The following ADGRL2 variants were observed in gnomAD, a reference collection of about 807,000 sequenced individuals.
ADGRL2 encodes calcium-independent alpha-latrotoxin receptor 2.
Under a neutral mutation model 157.4 loss-of-function variants are expected in ADGRL2, and 44 were observed. That is an observed-to-expected ratio of 0.28 (90% confidence interval 0.22 to 0.36). The LOEUF (loss-of-function observed/expected upper bound fraction) is 0.36, where lower values mean the gene tolerates loss of function less well. Among genes scored for constraint, ADGRL2 ranks in the 10% least tolerant of loss-of-function variants. The pLI, the probability that ADGRL2 is intolerant of heterozygous loss-of-function variation, is 1.00. For synonymous variants in ADGRL2, 585 were observed against 624.7 expected (o/e 0.94, Z 0.95); for missense variants, 1,510 against 1,768.9 (o/e 0.85, Z 2.63).
At chr1:81,875,116 C>T (rs2093804086) in intron 2 of ADGRL2, among the ~76,000 whole-genome samples, 1 of 152,102 alleles carries the variant, frequency 6.6e-6, no homozygotes. Flanking sequence ...CCCCAAAATC[C>T]CTGCAGCAAG....
At chr1:81,478,402 C>G (rs1043937167) in intron 2 of ADGRL2, among the ~76,000 whole-genome samples, 3 of 152,226 alleles carry the variant, frequency 2.0e-5, no homozygotes, top group African/African-American at 7.2e-5. Context: ...AGTTTGGTGT[C>G]ACCCAGCTGG....
intron 1 of ADGRL2, among the ~76,000 whole-genome samples, chr1:81,801,700 G>C (rs1389425553): frequency 6.6e-6 from 1 of 152,134 alleles, no homozygotes; most frequent in Non-Finnish European, 1.5e-5. Context: ...CCGCAGGGTC[G>C]GCGCGAGGGA....
Position 81,770,125 on chromosome 1 carries a change from G to A in ADGRL2, c.-101+8273G>A, listed in dbSNP as rs370169164. Among the ~76,000 whole-genome samples, 403 of 146,566 alleles carry A rather than the reference G, an allele frequency of 2.7e-3. 6 individuals are homozygous for A. The South Asian group carries it at 0.042, about 15-fold the overall frequency. On this transcript the variant is annotated intron_variant, in intron 2 of 20. Transcript: ENST00000359929. ...CTGCCTCAGCCTCCCAAAGTGCTGG[G>A]ATTACAGGCATGAGCCACTGCACCC...
chr1:81,778,290 C>G (rs1476469212), intron 2 of ADGRL2, among the ~76,000 whole-genome samples: 1 of 150,464 alleles, frequency 6.6e-6, no homozygotes, highest in Non-Finnish European at 1.5e-5. Context: ...CCACTGCACT[C>G]CAGCCTGGGC....
At chr1:81,565,716 G>T (rs2080544474) in intron 2 of ADGRL2, among the ~76,000 whole-genome samples, 1 of 152,170 alleles carries the variant, frequency 6.6e-6, no homozygotes, top group African/African-American at 2.4e-5. Flanking sequence ...GAACTACATG[G>T]AGTGTAGGCC....
intron 1 of ADGRL2, among the ~76,000 whole-genome samples, chr1:81,422,178 C>T (rs1179815149): frequency 1.3e-5 from 1 of 78,858 alleles, no homozygotes; most frequent in Non-Finnish European, 3.0e-5. Context: ...ATTTACATCT[C>T]TCAAACTTCT....
intron 2 of ADGRL2, among the ~76,000 whole-genome samples, chr1:81,521,358 G>A (rs930231925): frequency 6.6e-6 from 1 of 152,002 alleles, no homozygotes; most frequent in Admixed American, 6.6e-5. Flanking sequence ...ATGTTAAACA[G>A]GATAAAATTA....
At chr1:81,528,646 C>CAAAAAAAAAAAAAAAAAAAAA (rs59842382) in intron 2 of ADGRL2, among the ~76,000 whole-genome samples, 1 of 114,662 alleles carries the variant, frequency 8.7e-6, no homozygotes. Flanking sequence ...GACTCCATCT[C>CAAAAAAAAAAAAAAAAAAAAA]AAAAAAAAAA....
intron 6 of ADGRL2, among the ~76,000 whole-genome samples, chr1:81,945,361 C>G (rs754524069): frequency 6.6e-6 from 1 of 151,880 alleles, no homozygotes; most frequent in Non-Finnish European, 1.5e-5. Flanking sequence ...GTATTAGTCT[C>G]ACAGTTGTTA....
chr1:81,324,115 C>T (rs1368842959), intron 1 of ADGRL2, among the ~76,000 whole-genome samples: 5 of 151,986 alleles, frequency 3.3e-5, no homozygotes, highest in Non-Finnish European at 5.9e-5. Flanking sequence ...AGTGTGAGAG[C>T]CCTTTAAGAG....
chr1:81,866,309 C>T (rs1275109348), intron 2 of ADGRL2, among the ~76,000 whole-genome samples: 1 of 152,092 alleles, frequency 6.6e-6, no homozygotes, highest in East Asian at 1.9e-4. Context: ...ATTACATCAT[C>T]CTATTTATTT....
At chr1:81,745,834 G>C (rs1011207810) in intron 1 of ADGRL2, among the ~76,000 whole-genome samples, 4 of 152,028 alleles carry the variant, frequency 2.6e-5, no homozygotes, top group East Asian at 3.9e-4. Context: ...TGCCATCCAG[G>C]GGGTAGTTGG....
At chr1:81,502,522 G>A in intron 2 of ADGRL2, 1 of 1,614,086 alleles carries the variant, frequency 6.2e-7, no homozygotes. Context: ...AACAGATCCT[G>A]GACCTGTACA....
chr1:81,904,684 C>G (rs569870291), intron 2 of ADGRL2, among the ~76,000 whole-genome samples: 1 of 152,100 alleles, frequency 6.6e-6, no homozygotes, highest in East Asian at 1.9e-4. Flanking sequence ...CGGAGGTGGG[C>G]GGATCACGAG....
chr1:81,528,723 A>G (rs1055150383), intron 2 of ADGRL2, among the ~76,000 whole-genome samples: 11 of 151,946 alleles, frequency 7.2e-5, no homozygotes, highest in African/African-American at 2.7e-4. Context: ...AACACCTGGA[A>G]TATTTCCTGG....
chr1:81,397,738 C>G (rs747629660), intron 1 of ADGRL2, among the ~76,000 whole-genome samples: 6 of 152,092 alleles, frequency 3.9e-5, no homozygotes, highest in Non-Finnish European at 7.3e-5. Flanking sequence ...AACATGTGGT[C>G]TATGCTGAAG....
chr1:81,498,758 A>G (rs2078781429), intron 2 of ADGRL2, among the ~76,000 whole-genome samples: 2 of 152,220 alleles, frequency 1.3e-5, no homozygotes, highest in Admixed American at 6.5e-5. Flanking sequence ...TAAACTCACC[A>G]AAACACCATT....
chr1:81,689,419 TAAG>T (rs1195978061), intron 3 of ADGRL2, among the ~76,000 whole-genome samples: 6 of 152,144 alleles, frequency 3.9e-5, no homozygotes, highest in Non-Finnish European at 5.9e-5. Context: ...TCTCTCTCCT[TAAG>T]AAGGACCCAA....
intron 2 of ADGRL2, among the ~76,000 whole-genome samples, chr1:81,900,535 GAAA>G (rs5775647): frequency 2.7e-5 from 4 of 150,874 alleles, no homozygotes; most frequent in Middle Eastern, 3.4e-3. Flanking sequence ...ACACTGTAGG[GAAA>G]AAAAAAAATG....
Sources: allele counts gnomAD v4.1 joint callset (sites outside exome capture counted in the v4.1 genomes callset), GRCh38; gene constraint gnomAD v4.1.1; transcripts MANE v1.5; gene names NCBI Gene and HGNC (gene_info 2026-07-23, HGNC 2026-07-21).